Variants in ADGRA2 observed in about 807,000 individuals in gnomAD.
ADGRA2 encodes G-protein coupled receptor 124.
In ADGRA2, 61 loss-of-function variants were observed where a neutral mutation model predicts 98.7. That is an observed-to-expected ratio of 0.62 (90% CI 0.50 to 0.76). The LOEUF (loss-of-function observed/expected upper bound fraction) is 0.76. Ranked by LOEUF, ADGRA2 falls within the 30% of genes least tolerant of loss-of-function variation. The pLI is 0.00. For missense variants in ADGRA2, 1,712 were observed against 1,860.0 expected (o/e 0.92, Z 1.46); for synonymous variants, 858 against 831.5 (o/e 1.03, Z -0.55).
intron 2 of ADGRA2, among the ~76,000 whole-genome samples, chr8:37,816,943 C>T (rs1000805625): frequency 1.1e-5 from 1 of 88,400 alleles, no homozygotes; most frequent in Non-Finnish European, 2.8e-5. Flanking sequence ...CACACACACA[C>T]ACACACACAC....
At chr8:37,826,269 C>G (rs369995170) in intron 2 of ADGRA2, among the ~76,000 whole-genome samples, 3 of 152,144 alleles carry the variant, frequency 2.0e-5, no homozygotes, top group East Asian at 3.9e-4. Flanking sequence ...CCAACAGGGG[C>G]CAGGGGGCAC....
intron 1 of ADGRA2, among the ~76,000 whole-genome samples, chr8:37,805,898 C>A (rs58466563): frequency 0.38 from 58,134 of 151,534 alleles, 12,339 homozygotes; most frequent in African/African-American, 0.58. Context: ...AACAAACAAA[C>A]ACTTTTTTTT....
chr8:37,805,741 C>T (rs958352182), intron 1 of ADGRA2, among the ~76,000 whole-genome samples: 3 of 151,726 alleles, frequency 2.0e-5, no homozygotes, highest in South Asian at 2.1e-4. Context: ...TAGTGGTGCG[C>T]GCCTGTAATC....
In ADGRA2 at chr8:37,802,073, G is replaced by C. The variant is rs1040948122; in HGVS notation, c.266+4539G>C. Among the ~76,000 whole-genome samples, 1 of 152,216 alleles carries C rather than the reference G, an allele frequency of 6.6e-6. No homozygotes were observed. Among genetic ancestry groups the C allele is most frequent in the Admixed American group, 6.5e-5 (1 of 15,286 alleles). On this transcript the variant is annotated intron_variant, in intron 1 of 18. Coordinates refer to ENST00000412232, the MANE Select transcript of ADGRA2 (RefSeq NM_032777.10). The surrounding 1 kb of genome is among the most constrained non-coding windows in gnomAD (Gnocchi z 4.7). ...TGTCTGCCGCAGGTGTGCCTAGCAC[G>C]GGCTGGGTTCTTCTGCTGGGATTTC...
At chr8:37,800,072 A>C (rs1358701642) in intron 1 of ADGRA2, among the ~76,000 whole-genome samples, 1 of 152,226 alleles carries the variant, frequency 6.6e-6, no homozygotes, top group Non-Finnish European at 1.5e-5. Context: ...AGCAGGAGAA[A>C]GTCTGTGTAG....
rs563015390 is a variant in ADGRA2 at position 37,825,378 on chromosome 8, G to A, written c.339-3510G>A. ...CCTGCCTCAGCCTCCCATGTAGCTG[G>A]AATTACAGGCGCCCACCCCCACATT... is the stretch of plus-strand genomic sequence containing the variant. On this transcript the variant is annotated intron_variant, in intron 2 of 18. Transcript: ENST00000412232. Among the ~76,000 whole-genome samples, 697 of 151,754 alleles carry A rather than the reference G, an allele frequency of 4.6e-3. 6 individuals carry two copies. The highest frequency in any genetic ancestry group is 0.016 in the African/African-American group (662 of 41,340).
chr8:37,814,723 C>T lies in ADGRA2; in HGVS notation c.267-173C>T, dbSNP rs1425292027. Among the ~76,000 whole-genome samples the T allele has an allele frequency of 1.3e-5, 2 of 152,176 alleles. No individual in the cohort carries two copies. The highest frequency in any genetic ancestry group is 1.9e-4 in the East Asian group (1 of 5,182). On this transcript the variant is annotated intron_variant, in intron 1 of 18. Transcript: ENST00000412232. The surrounding 1 kb of genome is among the most constrained non-coding windows in gnomAD (Gnocchi z 4.3). ...AAGGTCTGACGTGGGGCTGGGTGGA[C>T]CGTTGGCCAGCTTCTCCCTGTAATC...
chr8:37,835,921 A>T (rs552396892), intron 13 of ADGRA2, 151 bp downstream of exon 13: 2 of 615,442 alleles, frequency 3.2e-6, no homozygotes, highest in South Asian at 1.9e-5. Flanking sequence ...CCAACAGGGC[A>T]GAGGGTAGAG....
chr8:37,815,069 C>A, intron 2 of ADGRA2, 102 bp downstream of exon 2: 3 of 858,798 alleles, frequency 3.5e-6, no homozygotes, highest in Non-Finnish European at 5.9e-6. Flanking sequence ...GACTCCAGAA[C>A]CTGCCGGCCG....
Position 37,830,938 on chromosome 8 carries a change from G to C in ADGRA2, c.932+15G>C, listed in dbSNP as rs999438524. On this transcript the variant is annotated intron_variant, in intron 7 of 18. Transcript: ENST00000412232. The surrounding 1 kb of genome is among the most constrained non-coding windows in gnomAD (Gnocchi z 4.8). ...TTCATCACCAGGTATGAGCCCCGCTGCCCCTCCTCAGGCCTCAGCATGGGG... is the reference window on the plus strand; with the variant it reads ...TTCATCACCAGGTATGAGCCCCGCTCCCCCTCCTCAGGCCTCAGCATGGGG... 6.5e-7 allele frequency: 1 copy of C among 1,549,862 alleles called. No homozygotes were observed. The highest frequency in any genetic ancestry group is 1.2e-5 in the South Asian group (1 of 84,306).
At chr8:37,832,963 G>A (rs749932206) in intron 8 of ADGRA2, 47 bp from the exon 9 acceptor site, 2 of 1,459,308 alleles carry the variant, frequency 1.4e-6, no homozygotes, top group Non-Finnish European at 1.9e-6. Flanking sequence ...AAGGGCTGTT[G>A]TTCTGAGAAG....
At chr8:37,816,533 A>C (rs1349261588) in intron 2 of ADGRA2, among the ~76,000 whole-genome samples, 2 of 151,482 alleles carry the variant, frequency 1.3e-5, no homozygotes, top group Non-Finnish European at 2.9e-5. Flanking sequence ...CCAAGGTTGC[A>C]GTAAGCTGAG....
chr8:37,835,112 G>A, intron 11 of ADGRA2, 62 bp from the exon 12 acceptor site: 7 of 1,213,928 alleles, frequency 5.8e-6, no homozygotes, highest in Non-Finnish European at 8.5e-6. Flanking sequence ...TGAGAGAGAT[G>A]TGCAGTCCCA....
At chr8:37,836,100 C>CA (rs1805609663) in intron 13 of ADGRA2, among the ~76,000 whole-genome samples, 2 of 144,094 alleles carry the variant, frequency 1.4e-5, no homozygotes, top group African/African-American at 5.2e-5. Context: ...CACACACACC[C>CA]CACAGGCCCA....
Position 37,844,162 on chromosome 8 carries a change from G to A in ADGRA2, c.*1807G>A. ...GAGGGAAGCCCCCTCAGGCCTGCAG[G>A]AGGAGCCGCAGCAGTGTGTCCAATT... On this transcript the variant is annotated 3_prime_UTR_variant, in exon 19 of 19. Coordinates refer to ENST00000412232, the MANE Select transcript of ADGRA2 (RefSeq NM_032777.10). The A allele has an allele frequency of 3.5e-6, 1 of 289,418 alleles. No individual in the cohort carries two copies. The highest frequency in any genetic ancestry group is 6.6e-6 in the Non-Finnish European group (1 of 151,640). The allele number at this position is 289,418 out of a possible 1,614,324, so 17.9% of individuals were successfully genotyped here. A position where few individuals can be genotyped will look rare whatever the true frequency, so the allele number is the denominator to read the frequency against.
Position 37,831,632 on chromosome 8 carries a change from C to A in ADGRA2, c.1097+45C>A, listed in dbSNP as rs761472734. 1.9e-6 allele frequency: 3 copies of A among 1,575,668 alleles called. No individual in the cohort carries two copies. In the South Asian group the frequency reaches 3.3e-5, roughly 18 times the overall value. On this transcript the variant is annotated intron_variant, in intron 8 of 18. Transcript: ENST00000412232. ...GTAGAGGGCTGCCCAGCCCCCAACC[C>A]CACCCTTGCACCTGACATCACAGGT...
intron 2 of ADGRA2, among the ~76,000 whole-genome samples, chr8:37,815,435 T>C (rs1415134719): frequency 6.6e-6 from 1 of 152,154 alleles, no homozygotes; most frequent in African/African-American, 2.4e-5. Context: ...TCTCCCCCAC[T>C]CCAGCCCACC....
At chr8:37,826,576 C>T (rs1183807196) in intron 2 of ADGRA2, among the ~76,000 whole-genome samples, 1 of 151,572 alleles carries the variant, frequency 6.6e-6, no homozygotes, top group African/African-American at 2.4e-5. Context: ...CTGAGTCCTT[C>T]GAGTCCTTCC....
At chr8:37,835,054 GA>G in intron 11 of ADGRA2, 119 bp from the exon 12 acceptor site, 1 of 681,454 alleles carries the variant, frequency 1.5e-6, no homozygotes, top group Non-Finnish European at 2.5e-6. Context: ...AGGTGGCTTT[GA>G]AAAAACTGAG....
Sources: gnomAD v4.1 joint callset for allele counts (sites outside exome capture counted in the v4.1 genomes callset) on GRCh38, gnomAD v4.1.1 for gene constraint, Gnocchi (gnomAD v3.1) non-coding constraint, MANE v1.5 for transcripts, NCBI Gene and HGNC (gene_info 2026-07-23, HGNC 2026-07-21) for gene names.